Variants in SNRPN observed in about 807,000 individuals in gnomAD.
The protein encoded by SNRPN is small nuclear ribonucleoprotein polypeptide N, also known as small nuclear ribonucleoprotein-associated protein N.
SNRPN carries 7 observed loss-of-function variants against 25.2 expected under a neutral mutation model. The observed-to-expected ratio is 0.28, with a 90% CI of 0.16 to 0.52. The LOEUF (loss-of-function observed/expected upper bound fraction) is 0.52. SNRPN is among the 20% of genes least tolerant of loss of function. SNRPN has a pLI of 0.96. For missense variants in SNRPN, 196 were observed against 322.5 expected (o/e 0.61, Z 3.00); for synonymous variants, 124 against 110.6 (o/e 1.12, Z -0.76).
intron 2 of SNRPN, chr15:24,851,408 G>A (rs2052815908): frequency 6.6e-6 from 1 of 152,422 alleles, no homozygotes; most frequent in South Asian, 2.1e-4. Context: ...GAGGAACATT[G>A]GAGGAGGTTC....
chr15:24,909,593 G>A, intron 2 of SNRPN: 1 of 1,255,166 alleles, frequency 8.0e-7, no homozygotes, highest in Non-Finnish European at 1.2e-6. Context: ...TGCATATGCT[G>A]TGCAGACTAT....
intron 3 of SNRPN, among the ~76,000 whole-genome samples, chr15:24,971,049 T>A (rs1364179960): frequency 1.3e-5 from 2 of 151,068 alleles, no homozygotes; most frequent in African/African-American, 4.9e-5. Context: ...CCTAGTCATC[T>A]TATTTTACTA....
At chr15:24,858,061 T>G (rs1254067749) in intron 1 of SNRPN, among the ~76,000 whole-genome samples, 1 of 152,082 alleles carries the variant, frequency 6.6e-6, no homozygotes, top group African/African-American at 2.4e-5. Context: ...CTGCAATAGA[T>G]CTCAAGCACT....
At chr15:24,924,987 G>A (rs1005625134) in intron 3 of SNRPN, among the ~76,000 whole-genome samples, 1 of 152,102 alleles carries the variant, frequency 6.6e-6, no homozygotes, top group African/African-American at 2.4e-5. Flanking sequence ...ATTCAGCTGT[G>A]GTGATTTTTC....
At chr15:24,848,243 C>CGGT (rs1566821455) in intron 2 of SNRPN, 10 of 18,044 alleles carry the variant, frequency 5.5e-4, no homozygotes, top group Non-Finnish European at 1.1e-3. Flanking sequence ...GGGGCGGGGG[C>CGGT]GGCGGCGGGG....
intron 1 of SNRPN, among the ~76,000 whole-genome samples, chr15:24,880,780 G>A (rs556541406): frequency 2.0e-5 from 3 of 148,766 alleles, no homozygotes; most frequent in African/African-American, 7.8e-5. Flanking sequence ...GTCTTGCTCT[G>A]TTGTCCAGGC....
chr15:24,827,809 G>A (rs2050212175), intron 1 of SNRPN, among the ~76,000 whole-genome samples: 1 of 150,554 alleles, frequency 6.6e-6, no homozygotes, highest in Admixed American at 6.6e-5. Flanking sequence ...AGAGGTTACA[G>A]TGAGCCAAGA....
chr15:24,949,685 C>A (rs1035040301), intron 3 of SNRPN, among the ~76,000 whole-genome samples: 3 of 152,054 alleles, frequency 2.0e-5, no homozygotes, highest in African/African-American at 7.2e-5. Context: ...TAATATGTGG[C>A]CTTTTTCTGT....
chr15:24,932,933 G>A (rs1316176810), intron 3 of SNRPN, among the ~76,000 whole-genome samples: 5 of 152,120 alleles, frequency 3.3e-5, no homozygotes, highest in Non-Finnish European at 5.9e-5. Context: ...ACAGGCGTGA[G>A]CCCCCATGCC....
At chr15:24,913,912 A>G (rs1396913563) in intron 2 of SNRPN, among the ~76,000 whole-genome samples, 2 of 152,226 alleles carry the variant, frequency 1.3e-5, no homozygotes, top group Non-Finnish European at 2.9e-5. Context: ...GTGAAAAGAT[A>G]AAGAAAAAGG....
chr15:24,943,735 G>T (rs913752357), intron 3 of SNRPN, among the ~76,000 whole-genome samples: 3 of 152,146 alleles, frequency 2.0e-5, no homozygotes, highest in Non-Finnish European at 4.4e-5. Context: ...GGCCTATGCT[G>T]CAACTTACCA....
At chr15:24,834,728 C>CCCTCT (rs1555376612) in intron 2 of SNRPN, among the ~76,000 whole-genome samples, 1 of 42,774 alleles carries the variant, frequency 2.3e-5, no homozygotes, top group African/African-American at 7.7e-5. Context: ...TCTCTCTCTC[C>CCCTCT]CTCTCTCTCT....
intron 3 of SNRPN, among the ~76,000 whole-genome samples, chr15:24,949,219 G>T (rs1170867375): frequency 6.6e-6 from 1 of 151,520 alleles, no homozygotes; most frequent in Admixed American, 6.6e-5. Context: ...ACAAGGTTTT[G>T]CCATGTCGGC....
At chr15:24,899,014 A>G (rs1166415642) in intron 2 of SNRPN, among the ~76,000 whole-genome samples, 1 of 152,186 alleles carries the variant, frequency 6.6e-6, no homozygotes. Flanking sequence ...TTTGAAACAT[A>G]TGGCTACTTG....
intron 1 of SNRPN, among the ~76,000 whole-genome samples, chr15:24,864,318 G>A (rs1307465259): frequency 1.4e-5 from 2 of 146,414 alleles, no homozygotes; most frequent in East Asian, 2.0e-4. Flanking sequence ...AAGAACCGCC[G>A]CTCCCGGCCC....
chr15:24,957,728 T>C (rs2153409611), intron 1 of SNRPN, among the ~76,000 whole-genome samples: 1 of 152,280 alleles, frequency 6.6e-6, no homozygotes, highest in Middle Eastern at 3.4e-3. Flanking sequence ...ATGATATTTA[T>C]AATTTACCCT....
At chr15:24,900,998 A>G (rs533149006) in intron 2 of SNRPN, among the ~76,000 whole-genome samples, 1 of 152,304 alleles carries the variant, frequency 6.6e-6, no homozygotes, top group Non-Finnish European at 1.5e-5. Flanking sequence ...TTGGGGGCTG[A>G]GATCAGAGGA....
At chr15:24,844,131 AGTGTGT>A (rs138942935) in intron 2 of SNRPN, among the ~76,000 whole-genome samples, 23 of 149,748 alleles carry the variant, frequency 1.5e-4, no homozygotes, top group African/African-American at 5.6e-4. Flanking sequence ...GTGTGTCTGT[AGTGTGT>A]GTGTGTGTGT....
intron 3 of SNRPN, among the ~76,000 whole-genome samples, chr15:24,927,475 AATTTTTTTTTT>A (rs1451878358): frequency 0.014 from 1,545 of 113,040 alleles, 81 homozygotes; most frequent in Non-Finnish European, 0.018. Context: ...AAAGTTTTTA[AATTTTTTTTTT>A]TTTTTTTTTT....
Sources: allele counts gnomAD v4.1 joint callset (sites outside exome capture counted in the v4.1 genomes callset), GRCh38; gene constraint gnomAD v4.1.1; transcripts MANE v1.5; gene names NCBI Gene and HGNC (gene_info 2026-07-23, HGNC 2026-07-21).